The following SPON1 variants were observed in gnomAD, a reference collection of about 807,000 sequenced individuals.
The protein encoded by SPON1 is spondin 1, also known as spondin-1.
A neutral mutation model predicts 111.7 loss-of-function variants in SPON1; 52 were observed. The ratio of observed to expected loss-of-function variants is 0.47; its 90% CI spans 0.37 to 0.59. The LOEUF (loss-of-function observed/expected upper bound fraction) is 0.59, where lower values mean the gene tolerates loss of function less well. Among genes scored for constraint, SPON1 ranks in the 20% least tolerant of loss-of-function variants. SPON1 has a pLI of 0.00. For synonymous variants in SPON1, 410 were observed against 395.8 expected (o/e 1.04, Z -0.43); for missense variants, 957 against 1,068.5 (o/e 0.90, Z 1.46).
chr11:14,029,802 C>G (rs1210796086), intron 2 of SPON1, among the ~76,000 whole-genome samples: 1 of 152,198 alleles, frequency 6.6e-6, no homozygotes, highest in Non-Finnish European at 1.5e-5. Context: ...TGCCTCCTGT[C>G]TCCACTGGTT....
intron 6 of SPON1, among the ~76,000 whole-genome samples, chr11:14,240,224 G>C (rs1848910867): frequency 6.6e-6 from 1 of 152,200 alleles, no homozygotes; most frequent in African/African-American, 2.4e-5. Context: ...ATATGGCCAT[G>C]AATGAGCAAG....
intron 5 of SPON1, among the ~76,000 whole-genome samples, 183 bp downstream of exon 5, chr11:14,080,204 C>T (rs7950377): frequency 0.26 from 38,886 of 151,810 alleles, 5,998 homozygotes; most frequent in South Asian, 0.41. Flanking sequence ...ATGCTTTCAG[C>T]TTCTTTGCAT....
At chr11:14,081,928 T>A (rs1217107882) in intron 5 of SPON1, among the ~76,000 whole-genome samples, 1 of 152,200 alleles carries the variant, frequency 6.6e-6, no homozygotes, top group Non-Finnish European at 1.5e-5. Context: ...TCTTTCTAGT[T>A]CATTCTTCTG....
intron 5 of SPON1, among the ~76,000 whole-genome samples, chr11:14,087,721 C>T (rs1398814582): frequency 6.6e-6 from 1 of 152,180 alleles, no homozygotes; most frequent in East Asian, 1.9e-4. Flanking sequence ...TCCCATTGAT[C>T]TAAAATTGAC....
chr11:14,257,714 A>G lies in SPON1; in HGVS notation c.1310-2A>G. The G allele has an allele frequency of 6.2e-7, 1 of 1,605,892 alleles. No individual in the cohort carries two copies. The highest frequency in any genetic ancestry group is 1.1e-5 in the South Asian group (1 of 90,012). ...GGAAAACATGTCAAACACTCTTTCC[A>G]GATGACACCCCTGAAACCTGCATCT... On this transcript the variant is annotated splice_acceptor_variant, in intron 10 of 15. Transcript: ENST00000576479. LOFTEE classifies it high-confidence loss of function.
At chr11:14,203,303 T>A (rs1278034377) in intron 6 of SPON1, among the ~76,000 whole-genome samples, 1 of 152,190 alleles carries the variant, frequency 6.6e-6, no homozygotes, top group Non-Finnish European at 1.5e-5. Context: ...AGCAAGCTAT[T>A]TTCTTTGGCT....
chr11:13,969,883 A>G (rs1848049212), intron 1 of SPON1, among the ~76,000 whole-genome samples: 1 of 152,244 alleles, frequency 6.6e-6, no homozygotes, highest in Non-Finnish European at 1.5e-5. Context: ...TCAGTTGAGT[A>G]GCAGATAAAC....
intron 6 of SPON1, among the ~76,000 whole-genome samples, chr11:14,136,027 C>G (rs571103195): frequency 1.3e-5 from 2 of 152,342 alleles, no homozygotes; most frequent in African/African-American, 4.8e-5. Context: ...TCATTATGGA[C>G]TGAGGCATCT....
At chr11:14,076,895 C>T (rs1463164288) in intron 4 of SPON1, among the ~76,000 whole-genome samples, 2 of 152,236 alleles carry the variant, frequency 1.3e-5, no homozygotes, top group Non-Finnish European at 2.9e-5. Flanking sequence ...CACCACCACA[C>T]GTGTCTTCTG....
rs782275684 is a variant in SPON1, at chr11:14,262,836, A to G, written c.2121A>G (p.Pro707=). ...CTCAGTTTGGAGGTGCACCCTGCCC[A>G]GAGACTGTGCAGCGAAAAAAGTGCC... ...MEPQFGGAPC[P]ETVQRKKCRI... is the part of the protein sequence containing the mutation. The change falls in exon 15 of 16, where the codon CCA becomes CCG. Residue 707 remains proline (P), a synonymous_variant. Coordinates refer to ENST00000576479, the MANE Select transcript of SPON1 (RefSeq NM_006108.4). The G allele has an allele frequency of 8.7e-6, 14 of 1,613,844 alleles. 1 individual carries two copies. The South Asian group carries it at 9.9e-5, about 11-fold the overall frequency.
At chr11:14,106,282 T>A (rs1849183652) in intron 5 of SPON1, among the ~76,000 whole-genome samples, 1 of 152,212 alleles carries the variant, frequency 6.6e-6, no homozygotes, top group African/African-American at 2.4e-5. Context: ...TAACTTTTCC[T>A]TTGTATGAAA....
intron 14 of SPON1, among the ~76,000 whole-genome samples, 179 bp downstream of exon 14, chr11:14,260,931 A>C (rs1849164461): frequency 6.6e-6 from 1 of 152,182 alleles, no homozygotes; most frequent in African/African-American, 2.4e-5. Context: ...TCATTAATAA[A>C]GTGAGAATCC....
intron 2 of SPON1, among the ~76,000 whole-genome samples, chr11:14,026,574 G>A (rs113129450): frequency 5.3e-5 from 8 of 152,166 alleles, no homozygotes; most frequent in African/African-American, 1.7e-4. Flanking sequence ...TTCTCAAGGC[G>A]AGGGGGTGGG....
At chr11:14,178,191 G>C (rs1554933314) in intron 6 of SPON1, among the ~76,000 whole-genome samples, 1 of 152,076 alleles carries the variant, frequency 6.6e-6, no homozygotes, top group East Asian at 1.9e-4. Flanking sequence ...GGGAGGCTGA[G>C]GCGGGTGGAT....
At chr11:14,189,279 C>T (rs115393156) in intron 6 of SPON1, among the ~76,000 whole-genome samples, 2,774 of 152,300 alleles carry the variant, frequency 0.018, 95 homozygotes, top group African/African-American at 0.064. Context: ...AATATGAAAA[C>T]GGGCAAAGTA....
chr11:14,149,826 G>A (rs2133867768), intron 6 of SPON1, among the ~76,000 whole-genome samples: 1 of 152,282 alleles, frequency 6.6e-6, no homozygotes, highest in East Asian at 1.9e-4. Flanking sequence ...GACCCTCCAA[G>A]TTTGTGTAAG....
chr11:14,061,153 A>C (rs1467263295), intron 3 of SPON1, among the ~76,000 whole-genome samples: 2 of 152,212 alleles, frequency 1.3e-5, no homozygotes, highest in Non-Finnish European at 2.9e-5. Context: ...TCAGGGAAGA[A>C]ATTCACCTAC....
intron 5 of SPON1, among the ~76,000 whole-genome samples, chr11:14,094,770 A>G (rs1353525839): frequency 1.3e-5 from 2 of 152,190 alleles, no homozygotes; most frequent in African/African-American, 2.4e-5. Flanking sequence ...CTGCTGATGA[A>G]GAGGTTAGGG....
intron 14 of SPON1, 36 bp from the exon 15 acceptor site, chr11:14,262,676 C>T (rs1554942015): frequency 1.2e-6 from 2 of 1,611,672 alleles, no homozygotes; most frequent in South Asian, 1.1e-5. Context: ...TTGTTTCAGA[C>T]ATGTGATACA....
Sources: gnomAD v4.1 joint callset for allele counts (sites outside exome capture counted in the v4.1 genomes callset) on GRCh38, gnomAD v4.1.1 for gene constraint, MANE v1.5 for transcripts, NCBI Gene and HGNC (gene_info 2026-07-23, HGNC 2026-07-21) for gene names.